METTL24: variants seen among roughly 807,000 people sequenced by gnomAD.
METTL24 encodes methyltransferase like 24.
In METTL24, 29 loss-of-function variants were observed where a neutral mutation model predicts 32.7. That is an observed-to-expected ratio of 0.89 (90% CI 0.66 to 1.21). The LOEUF (loss-of-function observed/expected upper bound fraction) is 1.21. Among genes scored for constraint, METTL24 ranks in the 50% most tolerant of loss-of-function variants. The pLI, the probability that METTL24 is intolerant of heterozygous loss-of-function variation, is 0.00. For missense variants in METTL24, 439 were observed against 468.1 expected, an observed-to-expected ratio of 0.94 and a Z score of 0.57; for synonymous variants, 163 against 179.5, an observed-to-expected ratio of 0.91 and a Z score of 0.73.
intron 2 of METTL24, among the ~76,000 whole-genome samples, chr6:110,315,758 A>G (rs1332235793): frequency 6.6e-6 from 1 of 152,176 alleles, no homozygotes; most frequent in Non-Finnish European, 1.5e-5. Flanking sequence ...GCAGGAGAGA[A>G]CAAATCAGGA....
intron 4 of METTL24, among the ~76,000 whole-genome samples, chr6:110,255,660 T>C (rs543316984): frequency 9.8e-4 from 149 of 152,334 alleles, no homozygotes; most frequent in African/African-American, 3.4e-3. Flanking sequence ...CAGAACTCAA[T>C]GCCTTAAAGT....
At chr6:110,346,369 G>GA (rs1205643504) in intron 1 of METTL24, among the ~76,000 whole-genome samples, 1 of 152,144 alleles carries the variant, frequency 6.6e-6, no homozygotes, top group Non-Finnish European at 1.5e-5. Context: ...GTTAAAGCAA[G>GA]AAAAAATTGT....
chr6:110,334,114 G>T (rs1194889228), intron 1 of METTL24, among the ~76,000 whole-genome samples: 1 of 151,572 alleles, frequency 6.6e-6, no homozygotes, highest in African/African-American at 2.4e-5. Context: ...AGAGGAAAGG[G>T]GGGTCTTCCC....
At chr6:110,292,708 G>T (rs908432714) in intron 4 of METTL24, among the ~76,000 whole-genome samples, 2 of 151,594 alleles carry the variant, frequency 1.3e-5, no homozygotes, top group African/African-American at 4.8e-5. Context: ...CCTAACTCCA[G>T]AATTTTTTTT....
intron 3 of METTL24, among the ~76,000 whole-genome samples, chr6:110,308,757 T>C (rs1771668071): frequency 6.6e-6 from 1 of 152,192 alleles, no homozygotes; most frequent in African/African-American, 2.4e-5. Context: ...CAATGGAATA[T>C]TATTCAGCCA....
At chr6:110,305,596 C>T (rs369011400) in intron 3 of METTL24, among the ~76,000 whole-genome samples, 2 of 146,984 alleles carry the variant, frequency 1.4e-5, no homozygotes. Flanking sequence ...CACTGGTCAT[C>T]AGAGAAATGC....
intron 3 of METTL24, among the ~76,000 whole-genome samples, chr6:110,306,505 TAA>T (rs1272564285): frequency 1.3e-5 from 2 of 151,960 alleles, no homozygotes; most frequent in Admixed American, 6.5e-5. Context: ...CATACACATA[TAA>T]GTTAGTCATT....
chr6:110,330,302 G>T lies in METTL24; in HGVS notation c.319-7430C>A, dbSNP rs1052795449. ...TGAGGCAGTGGACCCCAGAGAGTGG[G>T]GTGAATCCTCATTGACTATGTCTGT... On this transcript the variant is annotated intron_variant, in intron 1 of 4. Coordinates refer to ENST00000338882, the MANE Select transcript of METTL24 (RefSeq NM_001123364.3). Among the ~76,000 whole-genome samples, 12 of 152,294 alleles carry T rather than the reference G, an allele frequency of 7.9e-5. No individual in the cohort carries two copies. The South Asian group carries it at 1.9e-3, about 24-fold the overall frequency.
chr6:110,348,734 G>GAGTCT (rs1562245810), intron 1 of METTL24, among the ~76,000 whole-genome samples: 1 of 152,192 alleles, frequency 6.6e-6, no homozygotes, highest in East Asian at 1.9e-4. Flanking sequence ...GATTGACTTG[G>GAGTCT]AGTCTGATTC....
In METTL24 at chr6:110,331,484, C is replaced by A. The variant is rs546552070; in HGVS notation, c.319-8612G>T. The stretch of plus-strand genomic sequence containing the variant: ...GGCCAGCCTGGGCAACATGGCGAGA[C>A]CCTGTCTCTACAAAAATATAAAAAT... On this transcript the variant is annotated intron_variant, in intron 1 of 4. Coordinates refer to ENST00000338882, the MANE Select transcript of METTL24 (RefSeq NM_001123364.3). 1.1e-4 allele frequency among the ~76,000 whole-genome samples: 17 copies of A among 152,020 alleles called. No homozygotes were observed. In the South Asian group the frequency reaches 3.5e-3, roughly 32 times the overall value.
chr6:110,339,423 A>G (rs192608931), intron 1 of METTL24, among the ~76,000 whole-genome samples: 1 of 152,368 alleles, frequency 6.6e-6, no homozygotes, highest in Admixed American at 6.5e-5. Flanking sequence ...CAAGTCAATA[A>G]AGGCTAGGTG....
intron 1 of METTL24, among the ~76,000 whole-genome samples, chr6:110,348,039 A>G (rs1290273147): frequency 2.6e-5 from 4 of 152,226 alleles, no homozygotes; most frequent in African/African-American, 9.6e-5. Context: ...GGCTTTACCC[A>G]CCACAAGCAC....
rs13437572 is a variant in METTL24 at position 110,287,587 on chromosome 6, G to A, written c.786+11335C>T. Among the ~76,000 whole-genome samples the A allele has an allele frequency of 1.5e-3, 235 of 152,282 alleles. 1 individual carries two copies. The highest frequency in any genetic ancestry group is 5.3e-3 in the African/African-American group (222 of 41,574). Reference sequence around the variant, plus strand: ...CTTTACCACAGCATATCTGGTTTTCGGTAAGGTTTCCTGCCCAAGCATTCT... The same window carrying A: ...CTTTACCACAGCATATCTGGTTTTCAGTAAGGTTTCCTGCCCAAGCATTCT... On this transcript the variant is annotated intron_variant, in intron 4 of 4. Coordinates refer to ENST00000338882, the MANE Select transcript of METTL24 (RefSeq NM_001123364.3).
intron 1 of METTL24, among the ~76,000 whole-genome samples, chr6:110,347,207 A>C (rs972910156): frequency 2.6e-5 from 4 of 152,218 alleles, no homozygotes; most frequent in Non-Finnish European, 5.9e-5. Context: ...TATAGAAAAA[A>C]GCCTGGATTT....
At chr6:110,330,388 G>A (rs1017253487) in intron 1 of METTL24, among the ~76,000 whole-genome samples, 1 of 152,204 alleles carries the variant, frequency 6.6e-6, no homozygotes, top group Non-Finnish European at 1.5e-5. Flanking sequence ...GTGAAGCAGA[G>A]CGTAGGCAAA....
chr6:110,254,037 T>C lies in METTL24; in HGVS notation c.787-7777A>G, dbSNP rs965351569. The C allele has an allele frequency of 1.5e-4, 172 of 1,150,918 alleles. No homozygotes were observed. The South Asian group carries it at 3.9e-3, about 26-fold the overall frequency. 71.3% of individuals were successfully genotyped at this position (1,150,918 alleles called of 1,614,324 possible). On this transcript the variant is annotated intron_variant, in intron 4 of 4. Transcript: ENST00000338882. Reference sequence around the variant, plus strand: ...ATTTGGAATCCCTCACAAATTTGCATTTGGGAAAAGAGCTCTCCTGCTTAA... The same window carrying C: ...ATTTGGAATCCCTCACAAATTTGCACTTGGGAAAAGAGCTCTCCTGCTTAA...
intron 4 of METTL24, among the ~76,000 whole-genome samples, chr6:110,285,845 G>A (rs1461635495): frequency 6.6e-6 from 1 of 152,196 alleles, no homozygotes; most frequent in African/African-American, 2.4e-5. Context: ...AAAATGGCAA[G>A]ATTCTCAGAC....
At chr6:110,320,786 A>G (rs1455445356) in intron 2 of METTL24, among the ~76,000 whole-genome samples, 1 of 152,168 alleles carries the variant, frequency 6.6e-6, no homozygotes, top group African/African-American at 2.4e-5. Flanking sequence ...TAACCATTCT[A>G]TACTGCTCTG....
intron 1 of METTL24, among the ~76,000 whole-genome samples, chr6:110,353,703 G>A (rs2114782764): frequency 6.6e-6 from 1 of 152,220 alleles, no homozygotes; most frequent in East Asian, 1.9e-4. Flanking sequence ...TATCCGATAA[G>A]AGAGATGAAA....
Sources: allele counts gnomAD v4.1 joint callset (sites outside exome capture counted in the v4.1 genomes callset), GRCh38; gene constraint gnomAD v4.1.1; transcripts MANE v1.5; gene names NCBI Gene and HGNC (gene_info 2026-07-23, HGNC 2026-07-21).